The following PPP1R21 variants were observed in gnomAD, a reference collection of about 807,000 sequenced individuals.
The protein encoded by PPP1R21 is KLRAQ motif containing 1.
A neutral mutation model predicts 112.8 loss-of-function variants in PPP1R21; 85 were observed. The observed-to-expected ratio is 0.75, with a 90% confidence interval of 0.63 to 0.90. PPP1R21 has a LOEUF of 0.90. PPP1R21 is among the 40% of genes least tolerant of loss of function. PPP1R21 has a pLI of 0.00. For missense variants in PPP1R21, 1,199 were observed against 901.5 expected, an observed-to-expected ratio of 1.33 and a Z score of -4.23; for synonymous variants, 381 against 322.3, an observed-to-expected ratio of 1.18 and a Z score of -1.95.
chr2:48,477,268 G>A (rs1206127682), intron 12 of PPP1R21, among the ~76,000 whole-genome samples: 1 of 151,750 alleles, frequency 6.6e-6, no homozygotes, highest in Non-Finnish European at 1.5e-5. Flanking sequence ...ACGGGTGTGC[G>A]CCACTGCACT....
chr2:48,490,950 C>CT, intron 14 of PPP1R21, 68 bp from the exon 15 acceptor site: 1 of 1,376,286 alleles, frequency 7.3e-7, no homozygotes, highest in Non-Finnish European at 1.0e-6. Context: ...GCTGCAAAAA[C>CT]TATTAGATAT....
At chr2:48,471,001 T>C in intron 9 of PPP1R21, 86 bp from the exon 10 acceptor site, 1 of 924,126 alleles carries the variant, frequency 1.1e-6, no homozygotes, top group African/African-American at 1.6e-5. Context: ...CAATTTAGGT[T>C]TATAATTTGG....
chr2:48,441,233 C>T (rs1667014773), intron 1 of PPP1R21: 3 of 587,344 alleles, frequency 5.1e-6, no homozygotes, highest in South Asian at 4.2e-5. Context: ...CAGGGAGAAG[C>T]TGGAGTTTGA....
At chr2:48,509,979 C>T in intron 19 of PPP1R21, 36 bp from the exon 20 acceptor site, 3 of 1,505,802 alleles carry the variant, frequency 2.0e-6, no homozygotes, top group Non-Finnish European at 2.7e-6. Flanking sequence ...TTAGAAAGTG[C>T]TCCCTCTAGT....
rs906753783 is a variant in PPP1R21, at chr2:48,500,442, A to G, written c.1935+1707A>G. ...TGTTTGACATTTTTCATAATAAAAT[A>G]TAGAAGAGAAAAAAGAATCATTGTT... is the stretch of plus-strand genomic sequence containing the variant. On this transcript the variant is annotated intron_variant, in intron 17 of 21. Transcript: ENST00000294952. Among the ~76,000 whole-genome samples, 6 of 152,164 alleles carry G rather than the reference A, an allele frequency of 3.9e-5. No homozygotes were observed. In the East Asian group the frequency reaches 9.6e-4, roughly 24 times the overall value.
At chr2:48,474,563 A>G (rs576823869) in intron 11 of PPP1R21, 120 bp from the exon 12 acceptor site, 2 of 873,846 alleles carry the variant, frequency 2.3e-6, no homozygotes, top group Admixed American at 4.9e-5. Flanking sequence ...AAATGAGATC[A>G]AATTCTTTTT....
chr2:48,498,808 AAC>A, intron 17 of PPP1R21, 73 bp downstream of exon 17: 1 of 1,464,006 alleles, frequency 6.8e-7, no homozygotes. Flanking sequence ...GTTCAACATT[AAC>A]CATTGTCTTA....
chr2:48,491,350 C>G (rs569964677), intron 15 of PPP1R21, among the ~76,000 whole-genome samples, 180 bp downstream of exon 15: 1 of 152,116 alleles, frequency 6.6e-6, no homozygotes, highest in East Asian at 1.9e-4. Context: ...CAGACTTTAC[C>G]TGAGAAGCAG....
chr2:48,492,929 A>T (rs1669635558), intron 15 of PPP1R21, among the ~76,000 whole-genome samples: 1 of 144,858 alleles, frequency 6.9e-6, no homozygotes, highest in African/African-American at 2.6e-5. Flanking sequence ...ATATGTATAT[A>T]TTTGCTTGTT....
chr2:48,475,574 G>T (rs182046171), intron 12 of PPP1R21, among the ~76,000 whole-genome samples: 1 of 151,832 alleles, frequency 6.6e-6, no homozygotes, highest in African/African-American at 2.4e-5. Flanking sequence ...AGGGCCGGGC[G>T]CGGTGGCTCA....
intron 1 of PPP1R21, among the ~76,000 whole-genome samples, chr2:48,447,296 A>G (rs1198466364): frequency 2.6e-5 from 4 of 152,170 alleles, no homozygotes; most frequent in Non-Finnish European, 5.9e-5. Context: ...CAAAGTGAAG[A>G]AGGGCTGTGC....
rs1668478313 is a variant in PPP1R21 at position 48,471,115 on chromosome 2, C to A, written c.926C>A (p.Ser309Tyr). The A allele has an allele frequency of 1.2e-6, 2 of 1,612,300 alleles. No individual in the cohort carries two copies. Among genetic ancestry groups the A allele is most frequent in the African/African-American group, 1.3e-5 (1 of 74,908 alleles). Residue 309 changes from serine to tyrosine, a missense_variant, in exon 10 of 22, where the codon TCC becomes TAC. Coordinates refer to ENST00000294952, the MANE Select transcript of PPP1R21 (RefSeq NM_001135629.3). Reference sequence around the variant, plus strand: ...TCACAATACCTTCATGAAAATGCGTCCTATGTCCGCCCTCTTGAGGAAGGA... The same window carrying A: ...TCACAATACCTTCATGAAAATGCGTACTATGTCCGCCCTCTTGAGGAAGGA... ...KFSQYLHENASYVRPLEEGML... is the reference protein window; with the variant it reads ...KFSQYLHENAYYVRPLEEGML...
At chr2:48,449,116 G>A (rs1388894099) in intron 1 of PPP1R21, among the ~76,000 whole-genome samples, 2 of 151,228 alleles carry the variant, frequency 1.3e-5, no homozygotes, top group Non-Finnish European at 2.9e-5. Context: ...TGAAAATAGA[G>A]AACATATCTT....
rs752511890 is a variant in PPP1R21 at position 48,440,939 on chromosome 2, G to A, written c.-15G>A. 3.1e-6 allele frequency: 5 copies of A among 1,602,470 alleles called. No individual in the cohort carries two copies. Among genetic ancestry groups the A allele is most frequent in the Admixed American group, 3.4e-5 (2 of 59,556 alleles). ...GCCGCCTGGGCGGCCTGGCCTGTAC[G>A]GGGCGGGGGAGGCCATGGCCTCGGC... On this transcript the variant is annotated 5_prime_UTR_variant, in exon 1 of 22. Transcript: ENST00000294952.
intron 12 of PPP1R21, among the ~76,000 whole-genome samples, chr2:48,475,627 C>G (rs868291850): frequency 6.6e-6 from 1 of 152,124 alleles, no homozygotes; most frequent in Non-Finnish European, 1.5e-5. Context: ...GTGGGCAGAT[C>G]ACCTGAGGTT....
At chr2:48,486,406 G>A (rs1232629014) in intron 13 of PPP1R21, among the ~76,000 whole-genome samples, 1 of 152,164 alleles carries the variant, frequency 6.6e-6, no homozygotes, top group Non-Finnish European at 1.5e-5. Flanking sequence ...GGTGGCTGTA[G>A]TAAAGATAGC....
chr2:48,448,316 A>G lies in PPP1R21; in HGVS notation c.58-2692A>G, dbSNP rs116185601. ...TTATAATCAGTTATATTAAATTCCTAACAGCAATAGCTTGAAAGTTTCATT... is the reference window on the plus strand; with the variant it reads ...TTATAATCAGTTATATTAAATTCCTGACAGCAATAGCTTGAAAGTTTCATT... On this transcript the variant is annotated intron_variant, in intron 1 of 21. Transcript: ENST00000294952. 8.4e-3 allele frequency among the ~76,000 whole-genome samples: 1,275 copies of G among 152,352 alleles called. 9 individuals carry two copies. Among genetic ancestry groups the G allele is most frequent in the Non-Finnish European group, 0.013 (861 of 68,032 alleles).
At chr2:48,452,493 T>G (rs1572831158) in intron 2 of PPP1R21, among the ~76,000 whole-genome samples, 1 of 151,220 alleles carries the variant, frequency 6.6e-6, no homozygotes, top group African/African-American at 2.4e-5. Context: ...TAGTTTATTT[T>G]AAGAATTATA....
intron 11 of PPP1R21, among the ~76,000 whole-genome samples, chr2:48,474,434 C>G (rs950855725): frequency 5.9e-5 from 9 of 152,178 alleles, no homozygotes; most frequent in African/African-American, 1.4e-4. Flanking sequence ...GTGTTGCTCT[C>G]AGGATGGAAA....
Sources: gnomAD v4.1 joint callset for allele counts (sites outside exome capture counted in the v4.1 genomes callset) on GRCh38, gnomAD v4.1.1 for gene constraint, MANE v1.5 for transcripts, NCBI Gene and HGNC (gene_info 2026-07-23, HGNC 2026-07-21) for gene names.